The following GABRB1 variants were observed in gnomAD, a reference collection of about 807,000 sequenced individuals.
GABRB1 encodes gamma-aminobutyric acid type A receptor subunit beta1.
GABRB1 carries 17 observed loss-of-function variants against 51.6 expected under a neutral mutation model. That is an observed-to-expected ratio of 0.33 (90% CI 0.23 to 0.49). GABRB1 has a LOEUF of 0.49. Among genes scored for constraint, GABRB1 ranks in the 20% least tolerant of loss-of-function variants. GABRB1 has a pLI of 0.99. For synonymous variants in GABRB1, 247 were observed against 218.9 expected (o/e 1.13, Z -1.14); for missense variants, 410 against 600.6 (o/e 0.68, Z 3.32).
chr4:47,424,259 T>C (rs1211272783), intron 8 of GABRB1, among the ~76,000 whole-genome samples: 1 of 152,198 alleles, frequency 6.6e-6, no homozygotes, highest in African/African-American at 2.4e-5. Context: ...ACACATGGGT[T>C]CTAATATCAG....
intron 3 of GABRB1, among the ~76,000 whole-genome samples, chr4:47,153,367 T>C (rs371985280): frequency 6.6e-6 from 1 of 152,058 alleles, no homozygotes. Flanking sequence ...CAAAAACTAT[T>C]TGAGCTTCTG....
chr4:47,248,575 G>A (rs1201097869), intron 4 of GABRB1, among the ~76,000 whole-genome samples: 1 of 152,136 alleles, frequency 6.6e-6, no homozygotes, highest in East Asian at 1.9e-4. Flanking sequence ...GTGTCAAAAG[G>A]ATTGGTACCA....
intron 4 of GABRB1, among the ~76,000 whole-genome samples, chr4:47,222,448 G>A (rs1720801896): frequency 6.6e-6 from 1 of 152,080 alleles, no homozygotes; most frequent in South Asian, 2.1e-4. Context: ...TAAGCCTTTA[G>A]TAAATATGAA....
intron 3 of GABRB1, among the ~76,000 whole-genome samples, chr4:47,053,822 C>T (rs1253366529): frequency 6.6e-6 from 1 of 152,152 alleles, no homozygotes; most frequent in East Asian, 1.9e-4. Flanking sequence ...CAGTATCCGC[C>T]TATTACCCAC....
chr4:47,150,723 G>C (rs1245267978), intron 3 of GABRB1, among the ~76,000 whole-genome samples: 1 of 151,872 alleles, frequency 6.6e-6, no homozygotes, highest in Non-Finnish European at 1.5e-5. Flanking sequence ...TAATTGGTTA[G>C]AGAAAGGAAG....
chr4:47,376,069 A>G (rs908741639), intron 5 of GABRB1, among the ~76,000 whole-genome samples: 1 of 152,248 alleles, frequency 6.6e-6, no homozygotes, highest in Non-Finnish European at 1.5e-5. Flanking sequence ...TCCTGGAACC[A>G]AAACTTAGGA....
intron 4 of GABRB1, among the ~76,000 whole-genome samples, chr4:47,266,998 A>T (rs1354142022): frequency 1.3e-5 from 2 of 152,130 alleles, no homozygotes; most frequent in Non-Finnish European, 2.9e-5. Flanking sequence ...GAAGATTAAT[A>T]TATAATGGTA....
chr4:47,102,811 T>C (rs1386041890), intron 3 of GABRB1, among the ~76,000 whole-genome samples: 1 of 151,872 alleles, frequency 6.6e-6, no homozygotes, highest in Non-Finnish European at 1.5e-5. Flanking sequence ...TTCATAAGAC[T>C]AGGTTGAAAA....
At chr4:47,173,400 T>C (rs1022737613) in intron 4 of GABRB1, among the ~76,000 whole-genome samples, 3 of 152,152 alleles carry the variant, frequency 2.0e-5, no homozygotes, top group African/African-American at 7.2e-5. Context: ...TTTCATCTCT[T>C]TTGGTTCAAG....
At chr4:47,098,507 G>A (rs946453373) in intron 3 of GABRB1, among the ~76,000 whole-genome samples, 10 of 151,902 alleles carry the variant, frequency 6.6e-5, no homozygotes, top group Non-Finnish European at 1.0e-4. Context: ...TATTACTTTT[G>A]GAAATCAGTG....
intron 5 of GABRB1, among the ~76,000 whole-genome samples, chr4:47,368,218 TA>T (rs1313775569): frequency 6.6e-6 from 1 of 152,142 alleles, no homozygotes; most frequent in Non-Finnish European, 1.5e-5. Flanking sequence ...AGTCAACATA[TA>T]AATATCCTCA....
At chr4:47,295,095 A>G (rs1723919270) in intron 4 of GABRB1, among the ~76,000 whole-genome samples, 1 of 152,216 alleles carries the variant, frequency 6.6e-6, no homozygotes, top group African/African-American at 2.4e-5. Flanking sequence ...ATACACAACA[A>G]AAACCCATCT....
chr4:47,423,679 G>A (rs1729165524), intron 8 of GABRB1, among the ~76,000 whole-genome samples: 2 of 152,148 alleles, frequency 1.3e-5, no homozygotes, highest in Admixed American at 6.6e-5. Context: ...AAAACAGGTG[G>A]ATTTGATTAA....
intron 5 of GABRB1, among the ~76,000 whole-genome samples, chr4:47,377,394 T>C: frequency 6.6e-6 from 1 of 151,616 alleles, no homozygotes; most frequent in East Asian, 1.9e-4. Flanking sequence ...TTGTTCCTTA[T>C]GTTCGGAAGT....
chr4:47,209,358 T>G (rs1202621561), intron 4 of GABRB1, among the ~76,000 whole-genome samples: 3 of 152,196 alleles, frequency 2.0e-5, no homozygotes, highest in African/African-American at 7.2e-5. Context: ...TCAGCTATTT[T>G]CTTTTCACTA....
intron 5 of GABRB1, among the ~76,000 whole-genome samples, chr4:47,387,781 C>A (rs1033397952): frequency 2.0e-5 from 3 of 152,098 alleles, no homozygotes; most frequent in Admixed American, 2.0e-4. Context: ...AGAGGCTTAA[C>A]CCCAGCTGAA....
chr4:47,032,440 C>A lies in GABRB1; in HGVS notation c.196C>A (p.Arg66=), dbSNP rs754947989. The stretch of plus-strand genomic sequence containing the variant: ...AGGGCCCCCCGTCGACGTTGGGATG[C>A]GGATCGATGTCGCCAGCATAGACAT... ...FGGPPVDVGM[R]IDVASIDMVS... is the part of the protein sequence containing the mutation. Residue 66 remains arginine (R), a synonymous_variant, in exon 3 of 9, where the codon CGG becomes AGG. Coordinates refer to ENST00000295454, the MANE Select transcript of GABRB1 (RefSeq NM_000812.4). The A allele has an allele frequency of 3.8e-6, 6 of 1,597,030 alleles. No individual in the cohort carries two copies. Among genetic ancestry groups the A allele is most frequent in the African/African-American group, 1.3e-5 (1 of 74,734 alleles).
intron 4 of GABRB1, among the ~76,000 whole-genome samples, chr4:47,193,165 A>T (rs886093421): frequency 2.6e-5 from 4 of 152,120 alleles, no homozygotes; most frequent in African/African-American, 9.7e-5. Flanking sequence ...TTGTTCTGTT[A>T]TTAAGACGGA....
In GABRB1 at chr4:47,289,409, T is replaced by C. The variant is rs145505023; in HGVS notation, c.462-30718T>C. On this transcript the variant is annotated intron_variant, in intron 4 of 8. Coordinates refer to ENST00000295454, the MANE Select transcript of GABRB1 (RefSeq NM_000812.4). ...AAATAGTAGTAATTACAAATTGAAA[T>C]TGTTATTAGGGGTGGGGAAGATTTT... 1.2e-4 allele frequency among the ~76,000 whole-genome samples: 19 copies of C among 152,302 alleles called. No homozygotes were observed. The East Asian group carries it at 3.7e-3, about 29-fold the overall frequency.
Sources: allele counts gnomAD v4.1 joint callset (sites outside exome capture counted in the v4.1 genomes callset), GRCh38; gene constraint gnomAD v4.1.1; transcripts MANE v1.5; gene names NCBI Gene and HGNC (gene_info 2026-07-23, HGNC 2026-07-21).